NSUN3: variants seen among roughly 807,000 people sequenced by gnomAD.
NSUN3 encodes the protein tRNA (cytosine(34)-C(5))-methyltransferase, mitochondrial.
In NSUN3, 24 loss-of-function variants were observed where a neutral mutation model predicts 36.8. That is an observed-to-expected ratio of 0.65 (90% CI 0.47 to 0.92). The LOEUF (loss-of-function observed/expected upper bound fraction) is 0.92. Ranked by LOEUF, NSUN3 falls within the 40% of genes least tolerant of loss-of-function variation. The probability of loss-of-function intolerance (pLI) is 0.00; values close to 1 mark genes in which losing one functional copy is unlikely to be tolerated. For missense variants in NSUN3, 381 were observed against 392.8 expected (o/e 0.97, Z 0.25); for synonymous variants, 146 against 145.2 (o/e 1.01, Z -0.04).
chr3:94,125,673 G>A (rs929895819), intron 5 of NSUN3, among the ~76,000 whole-genome samples: 2 of 152,106 alleles, frequency 1.3e-5, no homozygotes, highest in Admixed American at 6.5e-5. Context: ...TTTTTGAATA[G>A]CAATCAACCA....
chr3:94,097,926 A>T (rs1372802974), intron 5 of NSUN3, among the ~76,000 whole-genome samples: 2 of 152,144 alleles, frequency 1.3e-5, no homozygotes, highest in African/African-American at 4.8e-5. Flanking sequence ...CTCAAATATG[A>T]ATCTAAGCTT....
intron 2 of NSUN3, among the ~76,000 whole-genome samples, chr3:94,067,936 C>G (rs2077211707): frequency 6.6e-6 from 1 of 152,070 alleles, no homozygotes; most frequent in Admixed American, 6.6e-5. Flanking sequence ...CCCCAGAAGT[C>G]TGCAGTATTA....
At chr3:94,100,861 T>A (rs906342100) in intron 5 of NSUN3, among the ~76,000 whole-genome samples, 1 of 152,210 alleles carries the variant, frequency 6.6e-6, no homozygotes, top group Admixed American at 6.5e-5. Context: ...GTTCAGAATT[T>A]CAACTTTTGG....
At position 94,091,487 on chromosome 3, in the gene NSUN3, A is replaced by G. The variant is rs139845271; in HGVS notation, c.467-2653A>G. ...GATATTATGTGGGGAGTGCCTAACCATCATTGGCTATATAAGACCATGATA... is the reference window on the plus strand; with the variant it reads ...GATATTATGTGGGGAGTGCCTAACCGTCATTGGCTATATAAGACCATGATA... On this transcript the variant is annotated intron_variant, in intron 3 of 5. Coordinates refer to ENST00000314622, the MANE Select transcript of NSUN3 (RefSeq NM_022072.5). Among the ~76,000 whole-genome samples the G allele has an allele frequency of 3.9e-5, 6 of 152,362 alleles. No homozygotes were observed. The East Asian group carries it at 5.8e-4, about 15-fold the overall frequency.
At chr3:94,122,862 A>T (rs760947799) in intron 5 of NSUN3, among the ~76,000 whole-genome samples, 14 of 152,180 alleles carry the variant, frequency 9.2e-5, no homozygotes, top group Non-Finnish European at 2.1e-4. Context: ...CTGTTCTGTA[A>T]CAATAGTAAG....
At chr3:94,083,306 A>C (rs2077278232) in intron 2 of NSUN3, among the ~76,000 whole-genome samples, 1 of 152,196 alleles carries the variant, frequency 6.6e-6, no homozygotes, top group South Asian at 2.1e-4. Flanking sequence ...CAAAGCAAGG[A>C]AAGAATGCCA....
Position 94,065,822 on chromosome 3 carries a change from C to T in NSUN3, c.122+1276C>T, listed in dbSNP as rs912032591. Among the ~76,000 whole-genome samples, 4 of 152,114 alleles carry T rather than the reference C, an allele frequency of 2.6e-5. No individual in the cohort carries two copies. The South Asian group carries it at 8.3e-4, about 32-fold the overall frequency. The stretch of plus-strand genomic sequence containing the variant: ...ATAAATTTATGAGGTTTTCAGTATA[C>T]AAAGGTACTCAAATAGAGTATCCAA... On this transcript the variant is annotated intron_variant, in intron 2 of 5. Coordinates refer to ENST00000314622, the MANE Select transcript of NSUN3 (RefSeq NM_022072.5).
At chr3:94,101,735 C>T (rs182306394) in intron 5 of NSUN3, among the ~76,000 whole-genome samples, 1 of 152,202 alleles carries the variant, frequency 6.6e-6, no homozygotes, top group Admixed American at 6.5e-5. Flanking sequence ...AATTTTTGAG[C>T]CAGTCATTCC....
chr3:94,095,403 T>C (rs79859073), intron 5 of NSUN3, among the ~76,000 whole-genome samples: 2,356 of 152,292 alleles, frequency 0.015, 72 homozygotes, highest in African/African-American at 0.054. Context: ...GCATAGGCAA[T>C]TTTACTGTAG....
intron 2 of NSUN3, among the ~76,000 whole-genome samples, chr3:94,070,195 C>T (rs2077219813): frequency 6.6e-6 from 1 of 152,158 alleles, no homozygotes; most frequent in Non-Finnish European, 1.5e-5. Context: ...GTAATTCCAG[C>T]ACTTTGGGAG....
rs540968157 is a variant in NSUN3 at position 94,084,215 on chromosome 3, C to G, written c.231C>G (p.Leu77=). ...KDLHLKGYHT[L]SQGSLPNYPK... is the part of the protein sequence containing the mutation. ...TACATTTGAAGGGCTATCACACACT[C>G]TCTCAGGGATCTTTACCCAACTATC... The change falls in exon 3 of 6, where the codon CTC becomes CTG. Residue 77 remains leucine, a synonymous_variant. Transcript: ENST00000314622. The G allele has an allele frequency of 3.4e-5, 55 of 1,614,028 alleles. No homozygotes were observed. Among genetic ancestry groups the G allele is most frequent in the Non-Finnish European group, 4.6e-5 (54 of 1,179,986 alleles).
intron 2 of NSUN3, among the ~76,000 whole-genome samples, chr3:94,078,052 T>C (rs2077254015): frequency 6.6e-6 from 1 of 152,234 alleles, no homozygotes; most frequent in Admixed American, 6.5e-5. Context: ...TTTTAGATCT[T>C]TCCTGCTTTC....
rs2077243453 is a variant in NSUN3 at position 94,075,816 on chromosome 3, G to A, written c.123-8291G>A. 4 of 912,120 alleles carry A rather than the reference G, an allele frequency of 4.4e-6. No homozygotes were observed. The South Asian group carries it at 4.5e-5, about 10-fold the overall frequency. 56.5% of individuals were successfully genotyped at this position (912,120 alleles called of 1,614,324 possible). A position where few individuals can be genotyped will look rare whatever the true frequency, so the allele number is the denominator to read the frequency against. On this transcript the variant is annotated intron_variant, in intron 2 of 5. Coordinates refer to ENST00000314622, the MANE Select transcript of NSUN3 (RefSeq NM_022072.5). ...GTACCTATTATATAGAGGGATACCT[G>A]AACAAAGTCTGTCTCATAACCAGTG...
At chr3:94,077,155 G>C (rs1361915875) in intron 2 of NSUN3, 2 of 725,126 alleles carry the variant, frequency 2.8e-6, no homozygotes, top group African/African-American at 3.5e-5. Flanking sequence ...GTCATCAAAG[G>C]CTGCTTCCTT....
intron 2 of NSUN3, among the ~76,000 whole-genome samples, chr3:94,065,237 G>A (rs1457361837): frequency 1.3e-5 from 2 of 152,192 alleles, no homozygotes; most frequent in African/African-American, 4.8e-5. Context: ...AATGGGAGAA[G>A]TGAGGAGATG....
chr3:94,068,855 A>G (rs1365568530), intron 2 of NSUN3, among the ~76,000 whole-genome samples: 1 of 152,080 alleles, frequency 6.6e-6, no homozygotes, highest in Admixed American at 6.6e-5. Flanking sequence ...TGAAGGATGT[A>G]GACTGAGGTG....
chr3:94,074,453 A>G (rs986810097), intron 2 of NSUN3, among the ~76,000 whole-genome samples: 2 of 152,128 alleles, frequency 1.3e-5, no homozygotes, highest in Admixed American at 1.3e-4. Context: ...AGTATTTTCC[A>G]TTTGTTTGTG....
chr3:94,075,989 A>G, intron 2 of NSUN3: 2 of 1,598,234 alleles, frequency 1.3e-6, no homozygotes, highest in East Asian at 4.5e-5. Flanking sequence ...CCACACTTGC[A>G]TGATATTGTC....
intron 5 of NSUN3, among the ~76,000 whole-genome samples, chr3:94,102,336 T>C (rs1197201022): frequency 6.6e-6 from 1 of 152,136 alleles, no homozygotes; most frequent in Non-Finnish European, 1.5e-5. Flanking sequence ...TTGATGTGTT[T>C]ATATTGGAAA....
Sources: allele counts gnomAD v4.1 joint callset (sites outside exome capture counted in the v4.1 genomes callset), GRCh38; gene constraint gnomAD v4.1.1; transcripts MANE v1.5; gene names NCBI Gene and HGNC (gene_info 2026-07-23, HGNC 2026-07-21).